Variants in KCNIP4 observed in about 807,000 individuals in gnomAD.
The protein encoded by KCNIP4 is potassium voltage-gated channel interacting protein 4.
A neutral mutation model predicts 34.0 loss-of-function variants in KCNIP4; 12 were observed. The observed-to-expected ratio is 0.35, with a 90% CI of 0.23 to 0.57. The LOEUF (loss-of-function observed/expected upper bound fraction) is 0.57. Among genes scored for constraint, KCNIP4 ranks in the 20% least tolerant of loss-of-function variants. The probability of loss-of-function intolerance (pLI) is 0.83; values close to 1 mark genes in which losing one functional copy is unlikely to be tolerated. For synonymous variants in KCNIP4, 124 were observed against 102.2 expected, an observed-to-expected ratio of 1.21 and a Z score of -1.29; for missense variants, 238 against 311.7, an observed-to-expected ratio of 0.76 and a Z score of 1.78.
At chr4:21,792,394 T>C (rs17566434) in intron 1 of KCNIP4, among the ~76,000 whole-genome samples, 11,849 of 152,300 alleles carry the variant, frequency 0.078, 543 homozygotes, top group Middle Eastern at 0.14. Flanking sequence ...TAATGGCATA[T>C]ATAGATTTTG....
At chr4:21,145,118 C>T (rs1245253481) in intron 1 of KCNIP4, among the ~76,000 whole-genome samples, 1 of 152,136 alleles carries the variant, frequency 6.6e-6, no homozygotes, top group Non-Finnish European at 1.5e-5. Flanking sequence ...GAAATTTTTA[C>T]ATACAGGTGA....
At chr4:21,028,003 C>T (rs1740696969) in intron 1 of KCNIP4, among the ~76,000 whole-genome samples, 1 of 152,088 alleles carries the variant, frequency 6.6e-6, no homozygotes, top group African/African-American at 2.4e-5. Context: ...GTGTCCTTAA[C>T]TGAATTCTTG....
intron 1 of KCNIP4, among the ~76,000 whole-genome samples, chr4:21,049,874 T>G (rs1379762771): frequency 6.6e-6 from 1 of 152,214 alleles, no homozygotes; most frequent in Non-Finnish European, 1.5e-5. Context: ...TTAAAAACAA[T>G]TTAAAAACCC....
intron 1 of KCNIP4, among the ~76,000 whole-genome samples, chr4:21,819,144 A>G (rs1461074230): frequency 6.6e-6 from 1 of 152,218 alleles, no homozygotes; most frequent in Non-Finnish European, 1.5e-5. Context: ...CTTTGCACTG[A>G]TATTAGGTGA....
chr4:20,792,032 CGTT>C (rs1712819705), intron 3 of KCNIP4, among the ~76,000 whole-genome samples: 1 of 152,132 alleles, frequency 6.6e-6, no homozygotes, highest in South Asian at 2.1e-4. Flanking sequence ...CATCTATACA[CGTT>C]ATTGATTGTT....
chr4:21,169,446 C>T (rs553946966), intron 1 of KCNIP4, among the ~76,000 whole-genome samples: 2 of 152,206 alleles, frequency 1.3e-5, no homozygotes, highest in Admixed American at 1.3e-4. Flanking sequence ...AATCTCACCA[C>T]ACCCAGGCTG....
intron 1 of KCNIP4, among the ~76,000 whole-genome samples, chr4:21,415,280 G>T (rs1724855181): frequency 6.6e-6 from 1 of 152,044 alleles, no homozygotes. Flanking sequence ...AATGAATGGT[G>T]GTTGCCAGGG....
At chr4:21,904,051 TA>T (rs1727856166) in intron 1 of KCNIP4, among the ~76,000 whole-genome samples, 1 of 152,164 alleles carries the variant, frequency 6.6e-6, no homozygotes, top group African/African-American at 2.4e-5. Flanking sequence ...CTTTCACCTT[TA>T]GGAATTACAA....
intron 1 of KCNIP4, among the ~76,000 whole-genome samples, chr4:21,796,956 T>C (rs1402094461): frequency 6.6e-6 from 1 of 152,182 alleles, no homozygotes; most frequent in Non-Finnish European, 1.5e-5. Flanking sequence ...CTTCTGACAT[T>C]GGCAAAGCTT....
intron 1 of KCNIP4, among the ~76,000 whole-genome samples, chr4:21,713,295 C>A (rs1713886757): frequency 6.6e-6 from 1 of 152,062 alleles, no homozygotes; most frequent in African/African-American, 2.4e-5. Flanking sequence ...AGAAGAAAAT[C>A]TTTCTAAAGC....
chr4:21,877,401 A>T (rs759895020), intron 1 of KCNIP4, among the ~76,000 whole-genome samples: 3 of 152,118 alleles, frequency 2.0e-5, no homozygotes, highest in Non-Finnish European at 2.9e-5. Context: ...CTGAGTTACC[A>T]TTGTCATTAA....
At chr4:21,053,847 G>C (rs1038794942) in intron 1 of KCNIP4, among the ~76,000 whole-genome samples, 1 of 152,114 alleles carries the variant, frequency 6.6e-6, no homozygotes, top group African/African-American at 2.4e-5. Context: ...AAACTCCGAT[G>C]AACAAAATCA....
chr4:21,003,889 C>T lies in KCNIP4; in HGVS notation c.62-121180G>A, dbSNP rs143447179. ...AGCAAAGGTATGGGGGGTCTGGAAT[C>T]GCATGATGTGTTTGGGGAACGATTA... is the stretch of plus-strand genomic sequence containing the variant. On this transcript the variant is annotated intron_variant, in intron 1 of 8. Transcript: ENST00000382152. Among the ~76,000 whole-genome samples, 532 of 152,106 alleles carry T rather than the reference C, an allele frequency of 3.5e-3. 5 individuals carry two copies. Among genetic ancestry groups the T allele is most frequent in the Middle Eastern group, 0.01 (3 of 294 alleles).
chr4:20,819,648 T>A (rs1467265455), intron 3 of KCNIP4, among the ~76,000 whole-genome samples: 3 of 152,204 alleles, frequency 2.0e-5, no homozygotes. Flanking sequence ...ATAATCAATG[T>A]GATAATATTA....
chr4:21,737,806 C>T (rs752032999), intron 1 of KCNIP4, among the ~76,000 whole-genome samples: 38 of 152,016 alleles, frequency 2.5e-4, no homozygotes, highest in Non-Finnish European at 5.0e-4. Context: ...AAAAGTCAGC[C>T]GGGCATGGTG....
intron 1 of KCNIP4, among the ~76,000 whole-genome samples, chr4:21,010,072 G>C (rs142476117): frequency 2.0e-5 from 3 of 152,108 alleles, no homozygotes; most frequent in Non-Finnish European, 4.4e-5. Context: ...ACTTCCCAAA[G>C]GACTCTTCTT....
chr4:21,467,995 TGATGGGAACAAA>T (rs66655313), intron 1 of KCNIP4, among the ~76,000 whole-genome samples: 17,955 of 152,184 alleles, frequency 0.12, 1,241 homozygotes, highest in South Asian at 0.16. Flanking sequence ...AAGCTGGCAC[TGATGGGAACAAA>T]TTCTGCCCCA....
intron 1 of KCNIP4, among the ~76,000 whole-genome samples, chr4:21,410,314 G>T (rs1374269246): frequency 6.6e-6 from 1 of 152,168 alleles, no homozygotes; most frequent in Non-Finnish European, 1.5e-5. Context: ...GGTGTTGCTT[G>T]CTTCCCCTCC....
Position 21,455,885 on chromosome 4 carries a change from CAGTT to C in KCNIP4, c.61+492682_61+492685del, listed in dbSNP as rs1327307165. Among the ~76,000 whole-genome samples, 2 of 112,492 alleles carry C rather than the reference CAGTT, an allele frequency of 1.8e-5. 1 individual carries two copies. Among genetic ancestry groups the C allele is most frequent in the African/African-American group, 9.3e-5 (2 of 21,614 alleles). 73.8% of individuals were successfully genotyped at this position (112,492 alleles called of 152,430 possible). On this transcript the variant is annotated intron_variant, in intron 1 of 8. Transcript: ENST00000382152. The stretch of plus-strand genomic sequence containing the variant: ...CTTAGATACAATTGTGTATGCTTAA[CAGTT>C]AGGATTTTCCGTATTAGGCTCAGAG...
Sources: allele counts gnomAD v4.1 joint callset (sites outside exome capture counted in the v4.1 genomes callset), GRCh38; gene constraint gnomAD v4.1.1; transcripts MANE v1.5; gene names NCBI Gene and HGNC (gene_info 2026-07-23, HGNC 2026-07-21).